VTCN1: variants seen among roughly 807,000 people sequenced by gnomAD.
VTCN1 encodes V-set domain containing T cell activation inhibitor 1, also known as V-set domain-containing T-cell activation inhibitor 1.
In VTCN1, 26 loss-of-function variants were observed where a neutral mutation model predicts 26.5. The ratio of observed to expected loss-of-function variants is 0.98; its 90% CI spans 0.72 to 1.36. The LOEUF (loss-of-function observed/expected upper bound fraction) is 1.36, where lower values mean the gene tolerates loss of function less well. Ranked by LOEUF, VTCN1 falls within the 40% of genes most tolerant of loss-of-function variation. The pLI is 0.00. For synonymous variants in VTCN1, 116 were observed against 130.7 expected (o/e 0.89, Z 0.77); for missense variants, 298 against 337.7 (o/e 0.88, Z 0.92).
chr1:117,206,762 A>C (rs1322828039), intron 1 of VTCN1, among the ~76,000 whole-genome samples: 1 of 152,236 alleles, frequency 6.6e-6, no homozygotes, highest in Non-Finnish European at 1.5e-5. Context: ...TTTGAGCTGA[A>C]TATTGAAAGA....
At chr1:117,171,798 A>T (rs1652931291) in intron 1 of VTCN1, among the ~76,000 whole-genome samples, 1 of 152,214 alleles carries the variant, frequency 6.6e-6, no homozygotes, top group Non-Finnish European at 1.5e-5. Context: ...CATCTTCCCT[A>T]AAGTCACACA....
Position 117,145,140 on chromosome 1 carries a change from C to T in VTCN1, c.*131G>A, listed in dbSNP as rs1651445460. Reference sequence around the variant, plus strand: ...TTTTTGTTTCTTGCTCTTGTTTGCTCACTCCAGACTTCTAGATATGAATTC... The same window carrying T: ...TTTTTGTTTCTTGCTCTTGTTTGCTTACTCCAGACTTCTAGATATGAATTC... On this transcript the variant is annotated 3_prime_UTR_variant, in exon 6 of 6. Coordinates refer to ENST00000369458, the MANE Select transcript of VTCN1 (RefSeq NM_024626.4). The surrounding 1 kb of genome is among the most constrained non-coding windows in gnomAD (Gnocchi z 4.6). 1 of 152,326 alleles carries T rather than the reference C, an allele frequency of 6.6e-6. No individual in the cohort carries two copies. The highest frequency in any genetic ancestry group is 1.5e-5 in the Non-Finnish European group (1 of 68,022). The allele number at this position is 152,326 out of a possible 1,614,324, so 9.4% of individuals were successfully genotyped here. A position where few individuals can be genotyped will look rare whatever the true frequency, so the allele number is the denominator to read the frequency against.
Position 117,161,754 on chromosome 1 carries a change from A to G in VTCN1, c.98-4833T>C, listed in dbSNP as rs1238580950. 6.6e-6 allele frequency among the ~76,000 whole-genome samples: 1 copy of G among 152,242 alleles called. No homozygotes were observed. The highest frequency in any genetic ancestry group is 1.5e-5 in the Non-Finnish European group (1 of 68,040). ...CTAAACTTTGGGGAAATGTGATCCA[A>G]TGAAAAGGAAGGCAATAAAAATACT... is the stretch of plus-strand genomic sequence containing the variant. On this transcript the variant is annotated intron_variant, in intron 2 of 5. Coordinates refer to ENST00000369458, the MANE Select transcript of VTCN1 (RefSeq NM_024626.4). The surrounding 1 kb of genome is among the most constrained non-coding windows in gnomAD (Gnocchi z 4.3).
chr1:117,203,869 G>T, intron 1 of VTCN1: 1 of 798,550 alleles, frequency 1.3e-6, no homozygotes, highest in Non-Finnish European at 1.5e-6. Context: ...TTCTTTGCAG[G>T]ATGGGGGGAA....
intron 3 of VTCN1, 96 bp from the exon 4 acceptor site, chr1:117,153,465 T>C: frequency 1.6e-6 from 2 of 1,273,388 alleles, no homozygotes; most frequent in Non-Finnish European, 2.1e-6. Context: ...GCAGTCATTT[T>C]TTTTTTTTTT....
chr1:117,160,289 G>T (rs1652297775), intron 2 of VTCN1, among the ~76,000 whole-genome samples: 1 of 152,102 alleles, frequency 6.6e-6, no homozygotes, highest in Non-Finnish European at 1.5e-5. Flanking sequence ...TATTAAAGTG[G>T]CCTGCACAAG....
chr1:117,175,771 C>CTTT lies in VTCN1; in HGVS notation c.33-5601_33-5600insAAA, dbSNP rs1255721340. ...GAGATACCTATCTCTCTCTCTCTCT[C>CTTT]TCTTTTTTTTTTTTTTTGAGATGGA... is the stretch of plus-strand genomic sequence containing the variant. On this transcript the variant is annotated intron_variant, in intron 1 of 5. Coordinates refer to ENST00000369458, the MANE Select transcript of VTCN1 (RefSeq NM_024626.4). The surrounding 1 kb of genome is among the most constrained non-coding windows in gnomAD (Gnocchi z 4.2). 1.4e-4 allele frequency among the ~76,000 whole-genome samples: 12 copies of CTTT among 87,346 alleles called. No individual in the cohort carries two copies. Among genetic ancestry groups the CTTT allele is most frequent in the African/African-American group, 3.3e-4 (9 of 27,674 alleles). The allele number at this position is 87,346 out of a possible 152,430, so 57.3% of individuals were successfully genotyped here. A position where few individuals can be genotyped will look rare whatever the true frequency, so the allele number is the denominator to read the frequency against.
chr1:117,166,149 G>A (rs78516711), intron 2 of VTCN1, among the ~76,000 whole-genome samples: 1,687 of 152,250 alleles, frequency 0.011, 17 homozygotes, highest in South Asian at 0.06. Context: ...AAGCACTTAC[G>A]GAGCACCCTG....
At chr1:117,205,071 A>G (rs1648976088) in intron 1 of VTCN1, among the ~76,000 whole-genome samples, 1 of 131,234 alleles carries the variant, frequency 7.6e-6, no homozygotes, top group Non-Finnish European at 1.6e-5. Context: ...GTATATATGT[A>G]TATGTACATG....
At chr1:117,171,522 C>T (rs1199152086) in intron 1 of VTCN1, among the ~76,000 whole-genome samples, 2 of 152,158 alleles carry the variant, frequency 1.3e-5, no homozygotes, top group Non-Finnish European at 2.9e-5. Flanking sequence ...TGTGTTGTTT[C>T]CTGACTTTTT....
At chr1:117,178,588 GTTTT>G (rs10657719) in intron 1 of VTCN1, among the ~76,000 whole-genome samples, 3 of 88,272 alleles carry the variant, frequency 3.4e-5, no homozygotes, top group African/African-American at 1.5e-4. Flanking sequence ...TCTTTCTTTC[GTTTT>G]TTTTTTTTTT....
intron 1 of VTCN1, among the ~76,000 whole-genome samples, chr1:117,176,461 G>A (rs187720026): frequency 1.2e-3 from 182 of 152,310 alleles, no homozygotes; most frequent in Non-Finnish European, 2.0e-3. Flanking sequence ...AGTGTGGAAA[G>A]CTCAAAATGC....
intron 2 of VTCN1, 35 bp downstream of exon 2, chr1:117,170,072 G>A (rs371060813): frequency 2.7e-5 from 43 of 1,588,000 alleles, no homozygotes; most frequent in Non-Finnish European, 1.9e-5. Flanking sequence ...ATGGTGAGGG[G>A]TGAATAGATT....
intron 1 of VTCN1, among the ~76,000 whole-genome samples, chr1:117,172,114 A>G (rs1256958026): frequency 6.6e-6 from 1 of 152,130 alleles, no homozygotes; most frequent in Non-Finnish European, 1.5e-5. Flanking sequence ...CCCAACACCC[A>G]CGCTGATGTT....
At chr1:117,209,358 G>C (rs140775628) in intron 1 of VTCN1, among the ~76,000 whole-genome samples, 4 of 152,172 alleles carry the variant, frequency 2.6e-5, no homozygotes, top group African/African-American at 9.7e-5. Flanking sequence ...TCATGTCCTT[G>C]GGATCAAGGC....
chr1:117,170,034 G>T, intron 2 of VTCN1, 73 bp downstream of exon 2: 2 of 1,400,592 alleles, frequency 1.4e-6, no homozygotes, highest in Non-Finnish European at 2.0e-6. Flanking sequence ...CTCTTTCCAT[G>T]CTAACGCACT....
At chr1:117,198,781 A>C (rs1197139300) in intron 1 of VTCN1, among the ~76,000 whole-genome samples, 1 of 152,258 alleles carries the variant, frequency 6.6e-6, no homozygotes, top group Non-Finnish European at 1.5e-5. Flanking sequence ...TCATTTGAGA[A>C]ATACGGGGTG....
rs1320990387 is a variant in VTCN1, at chr1:117,167,517, T to A, written c.97+2590A>T. Among the ~76,000 whole-genome samples, 1 of 152,224 alleles carries A rather than the reference T, an allele frequency of 6.6e-6. No homozygotes were observed. Among genetic ancestry groups the A allele is most frequent in the East Asian group, 1.9e-4 (1 of 5,198 alleles). ...TTATGTTTTGCATATGAAAATGTAC[T>A]CAGTCTCTGTCACCAGGAAACAGAA... On this transcript the variant is annotated intron_variant, in intron 2 of 5. Transcript: ENST00000369458. The surrounding 1 kb of genome is among the most constrained non-coding windows in gnomAD (Gnocchi z 4.1).
intron 1 of VTCN1, among the ~76,000 whole-genome samples, chr1:117,176,135 C>T (rs1358423423): frequency 6.6e-6 from 1 of 152,148 alleles, no homozygotes; most frequent in Non-Finnish European, 1.5e-5. Context: ...TAACAAGAGC[C>T]GATGCTTATC....
Sources: gnomAD v4.1 joint callset for allele counts (sites outside exome capture counted in the v4.1 genomes callset) on GRCh38, gnomAD v4.1.1 for gene constraint, Gnocchi (gnomAD v3.1) non-coding constraint, MANE v1.5 for transcripts, NCBI Gene and HGNC (gene_info 2026-07-23, HGNC 2026-07-21) for gene names.